MRPL19: variants seen among roughly 807,000 people sequenced by gnomAD.
MRPL19 encodes large ribosomal subunit protein bL19m.
A neutral mutation model predicts 34.0 loss-of-function variants in MRPL19; 31 were observed. The observed-to-expected ratio is 0.91, with a 90% CI of 0.68 to 1.23. MRPL19 has a LOEUF of 1.23. MRPL19 is among the 50% of genes most tolerant of loss of function. The pLI, the probability that MRPL19 is intolerant of heterozygous loss-of-function variation, is 0.00. For synonymous variants in MRPL19, 152 were observed against 127.7 expected (o/e 1.19, Z -1.28); for missense variants, 384 against 367.6 (o/e 1.04, Z -0.37).
In MRPL19 at chr2:75,655,538, CCAG is replaced by C. The variant is rs1678430140; in HGVS notation, c.*254_*256del. 1 of 351,696 alleles carries C rather than the reference CCAG, an allele frequency of 2.8e-6. No homozygotes were observed. Among genetic ancestry groups the C allele is most frequent in the Admixed American group, 4.5e-5 (1 of 22,438 alleles). The allele number at this position is 351,696 out of a possible 1,614,324, so 21.8% of individuals were successfully genotyped here. A position where few individuals can be genotyped will look rare whatever the true frequency, so the allele number is the denominator to read the frequency against. ...AGCTACAATAGAAGTCAGAGCATCA[CCAG>C]AATGGTCTTTAATGAGCATGGAACC... On this transcript the variant is annotated 3_prime_UTR_variant, in exon 6 of 6. Transcript: ENST00000393909.
Position 75,655,350 on chromosome 2 carries a change from C to T in MRPL19, c.*65C>T, listed in dbSNP as rs1326232246. 4 of 1,157,120 alleles carry T rather than the reference C, an allele frequency of 3.5e-6. No individual in the cohort carries two copies. Among genetic ancestry groups the T allele is most frequent in the Non-Finnish European group, 5.0e-6 (4 of 803,414 alleles). The allele number at this position is 1,157,120 out of a possible 1,614,324, so 71.7% of individuals were successfully genotyped here. A position where few individuals can be genotyped will look rare whatever the true frequency, so the allele number is the denominator to read the frequency against. Reference sequence around the variant, plus strand: ...GCTCTAAGAGGATATATTTTGAGACCAATTTAATTTCATTTATAAGAACAT... The same window carrying T: ...GCTCTAAGAGGATATATTTTGAGACTAATTTAATTTCATTTATAAGAACAT... On this transcript the variant is annotated 3_prime_UTR_variant, in exon 6 of 6. Coordinates refer to ENST00000393909, the MANE Select transcript of MRPL19 (RefSeq NM_014763.4).
At position 75,658,735 on chromosome 2, in the gene MRPL19, G is replaced by T. The variant is rs1328092902; in HGVS notation, c.*3450G>T. ...GTGGCCTGATAGATGGTCTGTCCTG[G>T]AGAATGTTCCTCATACACTTGAGCA... On this transcript the variant is annotated 3_prime_UTR_variant, in exon 6 of 6. Transcript: ENST00000393909. Among the ~76,000 whole-genome samples, 1 of 152,034 alleles carries T rather than the reference G, an allele frequency of 6.6e-6. No individual in the cohort carries two copies. Among genetic ancestry groups the T allele is most frequent in the African/African-American group, 2.4e-5 (1 of 41,388 alleles).
In MRPL19 at chr2:75,657,455, T is replaced by C. The variant is rs896195123; in HGVS notation, c.*2170T>C. ...TTGATCTTTTTCACTAATGATTATA[T>C]AGTCATCTAACTACTGTCAACAAGT... On this transcript the variant is annotated 3_prime_UTR_variant, in exon 6 of 6. Coordinates refer to ENST00000393909, the MANE Select transcript of MRPL19 (RefSeq NM_014763.4). 6.6e-6 allele frequency: 1 copy of C among 152,184 alleles called. No individual in the cohort carries two copies. Among genetic ancestry groups the C allele is most frequent in the Non-Finnish European group, 1.5e-5 (1 of 68,020 alleles). The allele number at this position is 152,184 out of a possible 1,614,324, so 9.4% of individuals were successfully genotyped here. A position where few individuals can be genotyped will look rare whatever the true frequency, so the allele number is the denominator to read the frequency against.
Position 75,647,199 on chromosome 2 carries a change from C to A in MRPL19, c.201C>A (p.Arg67=). The change falls in exon 2 of 6, where the codon CGC becomes CGA. Residue 67 remains arginine (R), a synonymous_variant. Transcript: ENST00000393909. ...AACCGGTCATCGTGGACAAGCACCGCCCCGTGGAACCGGAACGCAGGTGAG... is the reference window on the plus strand; with the variant it reads ...AACCGGTCATCGTGGACAAGCACCGACCCGTGGAACCGGAACGCAGGTGAG... ...PPKPVIVDKH[R]PVEPERRFLS... is the part of the protein sequence containing the mutation. The A allele has an allele frequency of 6.3e-7, 1 of 1,580,158 alleles. No individual in the cohort carries two copies. Among genetic ancestry groups the A allele is most frequent in the Non-Finnish European group, 8.6e-7 (1 of 1,162,650 alleles).
intron 2 of MRPL19, among the ~76,000 whole-genome samples, chr2:75,650,307 T>G (rs1678305445): frequency 6.6e-6 from 1 of 152,194 alleles, no homozygotes; most frequent in South Asian, 2.1e-4. Context: ...TATTATTTTT[T>G]AAGCAAAAGG....
At chr2:75,654,705 A>G in intron 4 of MRPL19, 31 bp from the exon 5 acceptor site, 1 of 1,604,846 alleles carries the variant, frequency 6.2e-7, no homozygotes, top group Non-Finnish European at 8.5e-7. Flanking sequence ...GTGGACTTAG[A>G]TTGTAAGAAT....
At chr2:75,651,814 A>G (rs1573027061) in intron 2 of MRPL19, among the ~76,000 whole-genome samples, 1 of 152,228 alleles carries the variant, frequency 6.6e-6, no homozygotes, top group South Asian at 2.1e-4. Context: ...TTTATAGCTA[A>G]TGTAGCAATG....
chr2:75,652,014 T>C (rs1318020382), intron 2 of MRPL19, 128 bp from the exon 3 acceptor site: 23 of 542,058 alleles, frequency 4.2e-5, no homozygotes, highest in East Asian at 1.3e-4. Context: ...AGAAATAAGA[T>C]TGACTTTTAT....
chr2:75,657,682 A>C lies in MRPL19; in HGVS notation c.*2397A>C, dbSNP rs558479235. ...TTGGTAGAATGGTAGATGGGACAGTATATTTTAGGACCTAAAGCTCTGCAA... is the reference window on the plus strand; with the variant it reads ...TTGGTAGAATGGTAGATGGGACAGTCTATTTTAGGACCTAAAGCTCTGCAA... On this transcript the variant is annotated 3_prime_UTR_variant, in exon 6 of 6. Coordinates refer to ENST00000393909, the MANE Select transcript of MRPL19 (RefSeq NM_014763.4). 1 of 152,162 alleles carries C rather than the reference A, an allele frequency of 6.6e-6. No individual in the cohort carries two copies. Among genetic ancestry groups the C allele is most frequent in the Non-Finnish European group, 1.5e-5 (1 of 68,010 alleles). The allele number at this position is 152,162 out of a possible 1,614,324, so 9.4% of individuals were successfully genotyped here. A position where few individuals can be genotyped will look rare whatever the true frequency, so the allele number is the denominator to read the frequency against.
Position 75,646,888 on chromosome 2 carries a change from C to T in MRPL19, c.81C>T (p.Pro27=), listed in dbSNP as rs762667318. 1.3e-5 allele frequency: 21 copies of T among 1,594,858 alleles called. No homozygotes were observed. Among genetic ancestry groups the T allele is most frequent in the East Asian group, 4.5e-5 (2 of 44,158 alleles). Residue 27 remains proline (P), a synonymous_variant, in exon 1 of 6, where the codon CCC becomes CCT. Coordinates refer to ENST00000393909, the MANE Select transcript of MRPL19 (RefSeq NM_014763.4). The part of the protein sequence containing the change: ...RSFQAARTLL[P]PPASIACRVH... The stretch of plus-strand genomic sequence containing the variant: ...TCCAAGCCGCCAGGACTCTGCTCCC[C>T]CCGCCGGCCTCTATCGCCTGCAGTA...
chr2:75,660,970 G>GTTGCA lies in MRPL19; in HGVS notation c.*5685_*5686insTTGCA, dbSNP rs536634097. On this transcript the variant is annotated 3_prime_UTR_variant, in exon 6 of 6. Transcript: ENST00000393909. The stretch of plus-strand genomic sequence containing the variant: ...ATAGTCTTTCGACCCAGGTGTTTGC[G>GTTGCA]GTTGTTAGTTCACCTTACACTTTTT... 4.2e-4 allele frequency: 64 copies of GTTGCA among 152,068 alleles called. 1 individual carries two copies. The highest frequency in any genetic ancestry group is 1.5e-3 in the African/African-American group (61 of 41,492). 9.4% of individuals were successfully genotyped at this position (152,068 alleles called of 1,614,324 possible). A position where few individuals can be genotyped will look rare whatever the true frequency, so the allele number is the denominator to read the frequency against.
Position 75,659,028 on chromosome 2 carries a change from G to A in MRPL19, c.*3743G>A, listed in dbSNP as rs1678536365. Among the ~76,000 whole-genome samples the A allele has an allele frequency of 6.6e-6, 1 of 151,900 alleles. No homozygotes were observed. Among genetic ancestry groups the A allele is most frequent in the South Asian group, 2.1e-4 (1 of 4,820 alleles). On this transcript the variant is annotated 3_prime_UTR_variant, in exon 6 of 6. Transcript: ENST00000393909. The stretch of plus-strand genomic sequence containing the variant: ...TCCATTTGCATTTAAAGTAATTAAG[G>A]AAGGACTTTCTTCTACCATTTAACA...
chr2:75,656,058 G>C lies in MRPL19; in HGVS notation c.*773G>C, dbSNP rs1231690148. On this transcript the variant is annotated 3_prime_UTR_variant, in exon 6 of 6. Transcript: ENST00000393909. ...GGTTATGAGTGAGTTCTGCTAAACA[G>C]AAGGCTCACCACAAGGTATCTGGCA... The C allele has an allele frequency of 6.6e-6, 1 of 152,186 alleles. No homozygotes were observed. The highest frequency in any genetic ancestry group is 2.4e-5 in the African/African-American group (1 of 41,450). 9.4% of individuals were successfully genotyped at this position (152,186 alleles called of 1,614,324 possible). A position where few individuals can be genotyped will look rare whatever the true frequency, so the allele number is the denominator to read the frequency against.
At position 75,660,142 on chromosome 2, in the gene MRPL19, C is replaced by A. The variant is rs567265769; in HGVS notation, c.*4857C>A. On this transcript the variant is annotated 3_prime_UTR_variant, in exon 6 of 6. Transcript: ENST00000393909. ...CCTGTTCAGATCAACTGTTGAACTC[C>A]TCTAGTGAATTTATTTCAGTTACTG... 1.3e-5 allele frequency among the ~76,000 whole-genome samples: 2 copies of A among 151,978 alleles called. No individual in the cohort carries two copies. Among genetic ancestry groups the A allele is most frequent in the South Asian group, 4.2e-4 (2 of 4,818 alleles).
chr2:75,652,384 A>G lies in MRPL19; in HGVS notation c.340+124A>G, dbSNP rs138442727. The G allele has an allele frequency of 2.0e-4, 261 of 1,299,218 alleles. No individual in the cohort carries two copies. In the African/African-American group the frequency reaches 3.5e-3, roughly 17 times the overall value. The allele number at this position is 1,299,218 out of a possible 1,614,324, so 80.5% of individuals were successfully genotyped here. A position where few individuals can be genotyped will look rare whatever the true frequency, so the allele number is the denominator to read the frequency against. On this transcript the variant is annotated intron_variant, in intron 3 of 5. Transcript: ENST00000393909. The stretch of plus-strand genomic sequence containing the variant: ...ACATATCTGGGTTATGCTCATATGA[A>G]GTATTTATTCCTACATTAAAACATT...
At chr2:75,649,912 G>GT (rs1240903060) in intron 2 of MRPL19, among the ~76,000 whole-genome samples, 1 of 152,152 alleles carries the variant, frequency 6.6e-6, no homozygotes, top group African/African-American at 2.4e-5. Context: ...GATAACAGAC[G>GT]TAAGCTACCA....
rs771705487 is a variant in MRPL19, at chr2:75,654,751, T to C, written c.491T>C (p.Phe164Ser). 1 of 1,613,658 alleles carries C rather than the reference T, an allele frequency of 6.2e-7. No homozygotes were observed. The highest frequency in any genetic ancestry group is 1.3e-5 in the African/African-American group (1 of 75,010). Reference sequence around the variant, plus strand: ...TTCTATTTAGGTGTCGAGATTTGCTTTGAACTTTATAATCCTCGGGTCCAG... The same window carrying C: ...TTCTATTTAGGTGTCGAGATTTGCTCTGAACTTTATAATCCTCGGGTCCAG... ...VIEGQGVEIC[F>S]ELYNPRVQEI... Residue 164 changes from phenylalanine to serine, a missense_variant, in exon 5 of 6, where the codon TTT (phenylalanine) becomes TCT (serine). Coordinates refer to ENST00000393909, the MANE Select transcript of MRPL19 (RefSeq NM_014763.4).
chr2:75,655,050 T>TA lies in MRPL19; in HGVS notation c.658-14_658-13insA. The TA allele has an allele frequency of 7.0e-7, 1 of 1,426,180 alleles. No individual in the cohort carries two copies. The highest frequency in any genetic ancestry group is 9.5e-7 in the Non-Finnish European group (1 of 1,055,782). 88.3% of individuals were successfully genotyped at this position (1,426,180 alleles called of 1,614,324 possible). A position where few individuals can be genotyped will look rare whatever the true frequency, so the allele number is the denominator to read the frequency against. ...TATTGCTTTTTTTTTTTTTTTTTTTTTAATCTTCCTTAGCTGAAAGTAAAA... is the reference window on the plus strand; with the variant it reads ...TATTGCTTTTTTTTTTTTTTTTTTTTATAATCTTCCTTAGCTGAAAGTAAAA... On this transcript the variant is annotated splice_polypyrimidine_tract_variant and intron_variant, in intron 5 of 5. Coordinates refer to ENST00000393909, the MANE Select transcript of MRPL19 (RefSeq NM_014763.4).
chr2:75,654,589 C>T, intron 4 of MRPL19, 147 bp from the exon 5 acceptor site: 2 of 629,454 alleles, frequency 3.2e-6, no homozygotes, highest in Non-Finnish European at 5.1e-6. Flanking sequence ...TTTCAGTAAT[C>T]TTTATCTTAA....
Sources: allele counts gnomAD v4.1 joint callset (sites outside exome capture counted in the v4.1 genomes callset), GRCh38; gene constraint gnomAD v4.1.1; transcripts MANE v1.5; gene names NCBI Gene and HGNC (gene_info 2026-07-23, HGNC 2026-07-21).